PPM1E: variants seen among roughly 807,000 people sequenced by gnomAD.
PPM1E encodes protein phosphatase, Mg2+/Mn2+ dependent 1E.
In PPM1E, 20 loss-of-function variants were observed where a neutral mutation model predicts 65.9. That is an observed-to-expected ratio of 0.30 (90% CI 0.21 to 0.44). PPM1E has a LOEUF of 0.44. Among genes scored for constraint, PPM1E ranks in the 20% least tolerant of loss-of-function variants. PPM1E has a pLI of 1.00. For synonymous variants in PPM1E, 352 were observed against 374.9 expected (o/e 0.94, Z 0.70); for missense variants, 713 against 953.1 (o/e 0.75, Z 3.32).
chr17:58,756,213 G>A lies in PPM1E; in HGVS notation c.216G>A (p.Thr72=). The A allele has an allele frequency of 6.4e-7, 1 of 1,555,916 alleles. No individual in the cohort carries two copies. The highest frequency in any genetic ancestry group is 8.7e-7 in the Non-Finnish European group (1 of 1,149,636). The change falls in exon 1 of 7, where the codon ACG becomes ACA. Residue 72 remains threonine, a synonymous_variant. Coordinates refer to ENST00000308249, the MANE Select transcript of PPM1E (RefSeq NM_014906.5). ...AGGAACCCGGGGAGGAGGCGGCCAC[G>A]GTAGCCGCGACGGAGGAGGGGGACC... ...SVEEPGEEAA[T]VAATEEGDQE...
In PPM1E at chr17:58,980,512, CCA is replaced by C; in HGVS notation, c.1750_1751del (p.Gln584ValfsTer6). 1 of 1,614,102 alleles carries C rather than the reference CCA, an allele frequency of 6.2e-7. No individual in the cohort carries two copies. Among genetic ancestry groups the C allele is most frequent in the Non-Finnish European group, 8.5e-7 (1 of 1,180,032 alleles). On this transcript the variant is annotated frameshift_variant, in exon 7 of 7. Coordinates refer to ENST00000308249, the MANE Select transcript of PPM1E (RefSeq NM_014906.5). LOFTEE classifies it high-confidence loss of function. This position sits in a 1 kb window ranked among gnomAD's most constrained non-coding sequence, Gnocchi z 4.7. Reference protein sequence around the residue: ...QIEASKPHSAQFLLPVEMFGP... With the variant: ...QIEASKPHSAXFLLPVEMFGP... The stretch of plus-strand genomic sequence containing the variant: ...TAGAAGCAAGCAAACCTCACAGTGC[CCA>C]GTTTTTGCTACCAGTTGAGATGTTT...
intron 1 of PPM1E, among the ~76,000 whole-genome samples, chr17:58,797,012 G>A (rs751795439): frequency 2.0e-5 from 3 of 152,168 alleles, no homozygotes; most frequent in Non-Finnish European, 4.4e-5. Context: ...GAAGGCTGAA[G>A]CAGGAGAATC....
chr17:58,950,104 G>C (rs1204363209), intron 1 of PPM1E, among the ~76,000 whole-genome samples: 1 of 152,212 alleles, frequency 6.6e-6, no homozygotes, highest in Non-Finnish European at 1.5e-5. Flanking sequence ...GCTCATGCCT[G>C]TATTCCCAGC....
At chr17:58,933,158 C>T (rs2051925897) in intron 1 of PPM1E, among the ~76,000 whole-genome samples, 1 of 152,152 alleles carries the variant, frequency 6.6e-6, no homozygotes, top group Admixed American at 6.5e-5. Flanking sequence ...TAATGATGCT[C>T]TTCTCAGAAC....
chr17:58,957,351 C>T (rs2029892107), intron 2 of PPM1E, among the ~76,000 whole-genome samples: 1 of 152,120 alleles, frequency 6.6e-6, no homozygotes, highest in African/African-American at 2.4e-5. Flanking sequence ...CCCTACATGC[C>T]TACTTTGGAA....
chr17:58,959,870 A>G (rs1334731950), intron 2 of PPM1E, among the ~76,000 whole-genome samples: 2 of 152,166 alleles, frequency 1.3e-5, no homozygotes, highest in African/African-American at 2.4e-5. Flanking sequence ...GGAAAATAAA[A>G]ATAAACAGTA....
At chr17:58,878,850 T>C (rs898199150) in intron 1 of PPM1E, among the ~76,000 whole-genome samples, 1 of 151,156 alleles carries the variant, frequency 6.6e-6, no homozygotes, top group Non-Finnish European at 1.5e-5. Flanking sequence ...GGAGAATCGC[T>C]TGAACCTGGG....
chr17:58,953,868 C>T (rs1251304474), intron 1 of PPM1E, among the ~76,000 whole-genome samples: 1 of 152,060 alleles, frequency 6.6e-6, no homozygotes, highest in African/African-American at 2.4e-5. Flanking sequence ...TTGCCTCAGC[C>T]TTCCGAGCAG....
At chr17:58,902,724 A>G (rs2143474992) in intron 1 of PPM1E, among the ~76,000 whole-genome samples, 1 of 152,306 alleles carries the variant, frequency 6.6e-6, no homozygotes, top group Middle Eastern at 3.4e-3. Context: ...TTGCTTCCAA[A>G]GAAAAACAGT....
At chr17:58,917,159 G>A (rs937600043) in intron 1 of PPM1E, among the ~76,000 whole-genome samples, 7 of 150,828 alleles carry the variant, frequency 4.6e-5, no homozygotes, top group South Asian at 2.1e-4. Context: ...GCAGTGAGCC[G>A]AGATTGCACC....
chr17:58,886,378 G>A (rs2051265403), intron 1 of PPM1E, among the ~76,000 whole-genome samples: 1 of 152,152 alleles, frequency 6.6e-6, no homozygotes, highest in Non-Finnish European at 1.5e-5. Context: ...TCATATAGAT[G>A]TAGAGTTTGG....
chr17:58,892,816 A>G (rs2051364596), intron 1 of PPM1E, among the ~76,000 whole-genome samples: 1 of 152,232 alleles, frequency 6.6e-6, no homozygotes, highest in African/African-American at 2.4e-5. Flanking sequence ...AAGTACAGAC[A>G]CTTTACCAAA....
chr17:58,968,404 G>C (rs1284700538), intron 3 of PPM1E, among the ~76,000 whole-genome samples: 1 of 152,130 alleles, frequency 6.6e-6, no homozygotes, highest in Non-Finnish European at 1.5e-5. Flanking sequence ...TAGCCTGGGT[G>C]TCAAAGTGAG....
chr17:58,935,756 G>A (rs893583386), intron 1 of PPM1E, among the ~76,000 whole-genome samples: 5 of 152,038 alleles, frequency 3.3e-5, no homozygotes, highest in African/African-American at 1.2e-4. Flanking sequence ...CCTGATCAGT[G>A]TGAGCAAATG....
chr17:58,850,429 C>G (rs1027679912), intron 1 of PPM1E, among the ~76,000 whole-genome samples: 4 of 152,112 alleles, frequency 2.6e-5, no homozygotes, highest in African/African-American at 9.7e-5. Flanking sequence ...TGTTCCCTTC[C>G]AAGTTTAGTG....
chr17:58,805,852 A>G (rs1278482621), intron 1 of PPM1E, among the ~76,000 whole-genome samples: 1 of 150,894 alleles, frequency 6.6e-6, no homozygotes, highest in East Asian at 2.0e-4. Flanking sequence ...CATATCACTT[A>G]TAGTTAAGAA....
rs534602113 is a variant in PPM1E at position 58,927,591 on chromosome 17, T to C, written c.465-28058T>C. 1.4e-4 allele frequency among the ~76,000 whole-genome samples: 22 copies of C among 152,278 alleles called. No individual in the cohort carries two copies. The East Asian group carries it at 3.5e-3, about 24-fold the overall frequency. Reference sequence around the variant, plus strand: ...TAGATATATCAATCAGGGGCCTTTGTTACTGTAGCAGTGTTACCTCAAATA... The same window carrying C: ...TAGATATATCAATCAGGGGCCTTTGCTACTGTAGCAGTGTTACCTCAAATA... On this transcript the variant is annotated intron_variant, in intron 1 of 6. Coordinates refer to ENST00000308249, the MANE Select transcript of PPM1E (RefSeq NM_014906.5).
rs917261010 is a variant in PPM1E, at chr17:58,821,054, A to G, written c.464+64593A>G. Among the ~76,000 whole-genome samples the G allele has an allele frequency of 1.1e-4, 16 of 152,064 alleles. No individual in the cohort carries two copies. The East Asian group carries it at 1.7e-3, about 16-fold the overall frequency. On this transcript the variant is annotated intron_variant, in intron 1 of 6. Coordinates refer to ENST00000308249, the MANE Select transcript of PPM1E (RefSeq NM_014906.5). ...TTCACATAAGTGATTATTATTATAT[A>G]TAATTAATATTATAAACCTTCAGCT...
chr17:58,929,822 CA>C (rs1287746798), intron 1 of PPM1E, among the ~76,000 whole-genome samples: 2 of 152,082 alleles, frequency 1.3e-5, no homozygotes, highest in East Asian at 3.8e-4. Flanking sequence ...TAAGTTTTCA[CA>C]GAACCAATAG....
Sources: gnomAD v4.1 joint callset for allele counts (sites outside exome capture counted in the v4.1 genomes callset) on GRCh38, gnomAD v4.1.1 for gene constraint, Gnocchi (gnomAD v3.1) non-coding constraint, MANE v1.5 for transcripts, NCBI Gene and HGNC (gene_info 2026-07-23, HGNC 2026-07-21) for gene names.